IQGAP2: variants seen among roughly 807,000 people sequenced by gnomAD.
IQGAP2 encodes IQ motif containing GTPase activating protein 2, also known as ras GTPase-activating-like protein IQGAP2.
Under a neutral mutation model 201.3 loss-of-function variants are expected in IQGAP2, and 173 were observed. The observed-to-expected ratio is 0.86, with a 90% CI of 0.76 to 0.98. The LOEUF is 0.98. Among genes scored for constraint, IQGAP2 ranks in the 50% least tolerant of loss-of-function variants. The pLI, the probability that IQGAP2 is intolerant of heterozygous loss-of-function variation, is 0.00. For synonymous variants in IQGAP2, 675 were observed against 673.9 expected (o/e 1.00, Z -0.03); for missense variants, 1,687 against 1,864.8 (o/e 0.90, Z 1.76).
intron 35 of IQGAP2, among the ~76,000 whole-genome samples, chr5:76,705,079 A>T (rs1747757373): frequency 6.6e-6 from 1 of 152,174 alleles, no homozygotes; most frequent in South Asian, 2.1e-4. Context: ...TCAGGTATTT[A>T]TCGGGGACTG....
chr5:76,569,744 T>A (rs1744988875), intron 3 of IQGAP2, among the ~76,000 whole-genome samples: 1 of 152,228 alleles, frequency 6.6e-6, no homozygotes, highest in Non-Finnish European at 1.5e-5. Flanking sequence ...TTTGTACATT[T>A]ATTAAAAATT....
intron 2 of IQGAP2, among the ~76,000 whole-genome samples, chr5:76,471,519 G>A (rs1422436603): frequency 1.3e-5 from 2 of 152,104 alleles, no homozygotes; most frequent in African/African-American, 4.8e-5. Flanking sequence ...CAAAACACGG[G>A]TGTGATTCCT....
intron 12 of IQGAP2, chr5:76,609,024 A>G (rs1210909632): frequency 1.5e-6 from 2 of 1,360,668 alleles, no homozygotes; most frequent in Admixed American, 4.1e-5. Flanking sequence ...AAACAGAGGA[A>G]GTGATGCATA....
chr5:76,642,013 AT>A (rs1751629256), intron 17 of IQGAP2, among the ~76,000 whole-genome samples: 1 of 152,206 alleles, frequency 6.6e-6, no homozygotes, highest in African/African-American at 2.4e-5. Context: ...AGCTTAAGAT[AT>A]TATTAGCAAA....
intron 2 of IQGAP2, among the ~76,000 whole-genome samples, chr5:76,560,033 TTA>T (rs1049294543): frequency 9.2e-5 from 14 of 152,250 alleles, no homozygotes; most frequent in African/African-American, 3.4e-4. Context: ...TACTAAAAGT[TTA>T]TGTTAATCTT....
chr5:76,653,672 C>G (rs1752687314), intron 18 of IQGAP2, among the ~76,000 whole-genome samples: 1 of 152,130 alleles, frequency 6.6e-6, no homozygotes, highest in Non-Finnish European at 1.5e-5. Flanking sequence ...TGACCCAGAT[C>G]CATTGTGCAG....
At chr5:76,587,949 C>CAA (rs768707380) in intron 5 of IQGAP2, among the ~76,000 whole-genome samples, 3 of 90,434 alleles carry the variant, frequency 3.3e-5, no homozygotes, top group African/African-American at 4.0e-5. Context: ...CTGTCTCAAC[C>CAA]AAAAAAAAAA....
intron 30 of IQGAP2, among the ~76,000 whole-genome samples, chr5:76,689,242 A>AAAC (rs1561595986): frequency 6.7e-6 from 1 of 149,166 alleles, no homozygotes; most frequent in African/African-American, 2.4e-5. Flanking sequence ...AAAAAAAAAA[A>AAAC]AAAAAAAAAA....
At chr5:76,664,896 A>G in intron 21 of IQGAP2, 130 bp from the exon 22 acceptor site, 1 of 614,304 alleles carries the variant, frequency 1.6e-6, no homozygotes, top group Non-Finnish European at 2.9e-6. Context: ...TGTGAAGCAC[A>G]GTAAAGCAAT....
At chr5:76,441,771 T>C (rs1413598055) in intron 1 of IQGAP2, among the ~76,000 whole-genome samples, 1 of 152,180 alleles carries the variant, frequency 6.6e-6, no homozygotes, top group Non-Finnish European at 1.5e-5. Flanking sequence ...AAATTTTGCC[T>C]TCCTTAAGAA....
intron 31 of IQGAP2, among the ~76,000 whole-genome samples, chr5:76,694,405 T>C (rs1485474931): frequency 6.6e-6 from 1 of 152,224 alleles, no homozygotes; most frequent in Non-Finnish European, 1.5e-5. Context: ...CCTTACTATT[T>C]TTCATTTTCC....
chr5:76,548,291 C>A (rs914949644), intron 2 of IQGAP2, among the ~76,000 whole-genome samples: 1 of 152,182 alleles, frequency 6.6e-6, no homozygotes, highest in African/African-American at 2.4e-5. Context: ...CACAGCTGTA[C>A]CCCCACAGAC....
intron 21 of IQGAP2, among the ~76,000 whole-genome samples, chr5:76,660,955 G>A (rs927333610): frequency 1.3e-5 from 2 of 152,276 alleles, no homozygotes; most frequent in African/African-American, 4.8e-5. Flanking sequence ...TAAAGCAGGA[G>A]GAAAGGTTTG....
chr5:76,478,050 A>G (rs1755550989), intron 2 of IQGAP2, among the ~76,000 whole-genome samples: 2 of 152,324 alleles, frequency 1.3e-5, no homozygotes, highest in East Asian at 3.9e-4. Context: ...TTAATTTATT[A>G]TTGAAGAAAG....
At chr5:76,493,565 G>A (rs1484082480) in intron 2 of IQGAP2, among the ~76,000 whole-genome samples, 1 of 152,038 alleles carries the variant, frequency 6.6e-6, no homozygotes, top group Non-Finnish European at 1.5e-5. Context: ...TGTGTCATTT[G>A]CTGTTGTTTC....
intron 30 of IQGAP2, among the ~76,000 whole-genome samples, chr5:76,692,594 G>A (rs1580835382): frequency 6.6e-6 from 1 of 152,254 alleles, no homozygotes; most frequent in South Asian, 2.1e-4. Flanking sequence ...AGGAAGTGGT[G>A]GCCAATTGCC....
intron 29 of IQGAP2, 58 bp from the exon 30 acceptor site, chr5:76,683,718 T>G: frequency 6.6e-7 from 1 of 1,507,394 alleles, no homozygotes; most frequent in Non-Finnish European, 9.0e-7. Flanking sequence ...CTTACATTGT[T>G]GGTGCCATCA....
intron 2 of IQGAP2, among the ~76,000 whole-genome samples, chr5:76,550,023 A>C (rs1005890920): frequency 1.3e-5 from 2 of 152,190 alleles, no homozygotes; most frequent in African/African-American, 4.8e-5. Flanking sequence ...TCTAGCATCA[A>C]TTCTAAGTCC....
chr5:76,491,184 T>A (rs183249397), intron 2 of IQGAP2, among the ~76,000 whole-genome samples: 22 of 152,296 alleles, frequency 1.4e-4, no homozygotes, highest in South Asian at 4.1e-4. Context: ...TGTATAAACA[T>A]GATGAAACTA....
Sources: allele counts gnomAD v4.1 joint callset (sites outside exome capture counted in the v4.1 genomes callset), GRCh38; gene constraint gnomAD v4.1.1; transcripts MANE v1.5; gene names NCBI Gene and HGNC (gene_info 2026-07-23, HGNC 2026-07-21).